The following NTM variants were observed in gnomAD, a reference collection of about 807,000 sequenced individuals.
NTM encodes IgLON family member 2.
A neutral mutation model predicts 42.1 loss-of-function variants in NTM; 13 were observed. The observed-to-expected ratio is 0.31, with a 90% CI of 0.20 to 0.49. The LOEUF is 0.49. Among genes scored for constraint, NTM ranks in the 20% least tolerant of loss-of-function variants. NTM has a pLI of 0.99. For missense variants in NTM, 373 were observed against 452.8 expected (o/e 0.82, Z 1.60); for synonymous variants, 187 against 179.2 (o/e 1.04, Z -0.35).
At chr11:132,211,882 G>T (rs565727327) in intron 3 of NTM, 140 bp from the exon 4 acceptor site, 24 of 699,972 alleles carry the variant, frequency 3.4e-5, no homozygotes, top group African/African-American at 3.0e-4. Flanking sequence ...TATGTTTAAG[G>T]TAATTCCTCT....
intron 2 of NTM, among the ~76,000 whole-genome samples, chr11:132,097,542 C>T (rs2061157703): frequency 6.6e-6 from 1 of 152,192 alleles, no homozygotes; most frequent in Admixed American, 6.5e-5. Flanking sequence ...AAAACAAAGT[C>T]TATGGGTTTC....
At chr11:131,952,562 T>A (rs2061132067) in intron 2 of NTM, among the ~76,000 whole-genome samples, 1 of 152,218 alleles carries the variant, frequency 6.6e-6, no homozygotes, top group Non-Finnish European at 1.5e-5. Flanking sequence ...TTTCTGCATG[T>A]AGTCAAATAG....
At chr11:132,328,181 G>C (rs753742322) in intron 7 of NTM, among the ~76,000 whole-genome samples, 1 of 152,158 alleles carries the variant, frequency 6.6e-6, no homozygotes, top group Non-Finnish European at 1.5e-5. Flanking sequence ...CAAAGCAAGG[G>C]GGGTGGACTG....
intron 2 of NTM, among the ~76,000 whole-genome samples, chr11:132,025,434 TGTG>T (rs2075035038): frequency 6.6e-6 from 1 of 152,202 alleles, no homozygotes; most frequent in Middle Eastern, 3.2e-3. Context: ...CTTCTCAAAA[TGTG>T]GTCCTGGGAC....
intron 4 of NTM, among the ~76,000 whole-genome samples, chr11:132,218,480 A>G (rs2084406421): frequency 1.3e-5 from 2 of 152,286 alleles, no homozygotes; most frequent in South Asian, 2.1e-4. Context: ...AAGTCGCCCA[A>G]GTCTCTAGGA....
chr11:131,720,754 A>G (rs2135395116), intron 1 of NTM, among the ~76,000 whole-genome samples: 1 of 152,330 alleles, frequency 6.6e-6, no homozygotes, highest in South Asian at 2.1e-4. Flanking sequence ...CCAACTGTGA[A>G]ACAGGCTGCA....
At chr11:131,801,773 A>C (rs983719139) in intron 1 of NTM, among the ~76,000 whole-genome samples, 2 of 152,086 alleles carry the variant, frequency 1.3e-5, no homozygotes, top group Non-Finnish European at 2.9e-5. Context: ...GCCGCCTTGC[A>C]CAAACCCGTG....
At chr11:131,592,673 C>T (rs1348314323) in intron 1 of NTM, among the ~76,000 whole-genome samples, 2 of 150,904 alleles carry the variant, frequency 1.3e-5, no homozygotes, top group Non-Finnish European at 1.5e-5. Flanking sequence ...CACACACACA[C>T]ACACACACAC....
At chr11:131,512,900 TC>T (rs2048438554) in intron 1 of NTM, among the ~76,000 whole-genome samples, 1 of 152,108 alleles carries the variant, frequency 6.6e-6, no homozygotes, top group African/African-American at 2.4e-5. Flanking sequence ...GCAAAGTTTT[TC>T]CTCCCTTGGT....
intron 1 of NTM, chr11:131,660,992 A>G (rs2067966819): frequency 7.7e-7 from 1 of 1,304,428 alleles, no homozygotes; most frequent in African/African-American, 1.5e-5. Context: ...GTGGAAAAAA[A>G]AATGAACGGA....
At chr11:131,990,001 A>G (rs193171002) in intron 2 of NTM, among the ~76,000 whole-genome samples, 129 of 152,282 alleles carry the variant, frequency 8.5e-4, no homozygotes, top group African/African-American at 3.0e-3. Flanking sequence ...GGAACAATAA[A>G]GACATCCATC....
intron 1 of NTM, among the ~76,000 whole-genome samples, chr11:131,893,437 C>T (rs1219888888): frequency 2.0e-5 from 3 of 152,102 alleles, no homozygotes; most frequent in Non-Finnish European, 4.4e-5. Flanking sequence ...AAGCATTAAA[C>T]TTTAGAAGTA....
intron 4 of NTM, among the ~76,000 whole-genome samples, chr11:132,291,343 AT>A (rs1055848115): frequency 3.3e-5 from 5 of 151,400 alleles, no homozygotes; most frequent in East Asian, 1.9e-4. Context: ...TGACTTCTAC[AT>A]TTTTTTTTGA....
intron 2 of NTM, among the ~76,000 whole-genome samples, chr11:131,950,677 G>T (rs921926272): frequency 6.6e-6 from 1 of 152,138 alleles, no homozygotes; most frequent in Non-Finnish European, 1.5e-5. Context: ...ACCTTATCAG[G>T]ATACTGTGAG....
At chr11:132,070,538 A>C (rs1279899371) in intron 2 of NTM, among the ~76,000 whole-genome samples, 8 of 114,878 alleles carry the variant, frequency 7.0e-5, no homozygotes, top group East Asian at 2.7e-4. Flanking sequence ...TAACACGTCA[A>C]ACTGACCGTC....
intron 1 of NTM, among the ~76,000 whole-genome samples, chr11:131,515,397 T>C (rs1237913316): frequency 6.6e-6 from 1 of 152,174 alleles, no homozygotes; most frequent in Non-Finnish European, 1.5e-5. Context: ...CTGTGGTAGA[T>C]GGCCTTTCCT....
chr11:132,227,184 A>G (rs1442595545), intron 4 of NTM, among the ~76,000 whole-genome samples: 4 of 152,288 alleles, frequency 2.6e-5, no homozygotes, highest in African/African-American at 9.6e-5. Context: ...AGCAAAGACA[A>G]TTGGGAGATG....
At chr11:131,652,925 C>T (rs2066690580) in intron 1 of NTM, among the ~76,000 whole-genome samples, 1 of 152,214 alleles carries the variant, frequency 6.6e-6, no homozygotes, top group African/African-American at 2.4e-5. Flanking sequence ...TGCACAATTG[C>T]CTTCATCCTT....
intron 1 of NTM, among the ~76,000 whole-genome samples, chr11:131,857,951 G>C (rs186522091): frequency 5.9e-4 from 89 of 152,098 alleles, no homozygotes; most frequent in Non-Finnish European, 1.1e-3. Context: ...TTATTGTCTG[G>C]TTCCTGACAG....
Sources: gnomAD v4.1 joint callset for allele counts (sites outside exome capture counted in the v4.1 genomes callset) on GRCh38, gnomAD v4.1.1 for gene constraint, MANE v1.5 for transcripts, NCBI Gene and HGNC (gene_info 2026-07-23, HGNC 2026-07-21) for gene names.